The following RYR2 variants were observed in gnomAD, a reference collection of about 807,000 sequenced individuals.
RYR2 encodes the protein ryanodine receptor 2.
RYR2 carries 227 observed loss-of-function variants against 601.1 expected under a neutral mutation model. That is an observed-to-expected ratio of 0.38 (90% CI 0.34 to 0.42). The LOEUF (loss-of-function observed/expected upper bound fraction) is 0.42. Ranked by LOEUF, RYR2 falls within the 10% of genes least tolerant of loss-of-function variation. The probability of loss-of-function intolerance (pLI) is 1.00; values close to 1 mark genes in which losing one functional copy is unlikely to be tolerated. For synonymous variants in RYR2, 2,223 were observed against 2,175.1 expected (o/e 1.02, Z -0.61); for missense variants, 4,646 against 6,156.5 (o/e 0.75, Z 8.21).
chr1:237,515,921 CCCTCTTCTCCTTCTT>C (rs1228463008), intron 24 of RYR2, among the ~76,000 whole-genome samples: 11 of 142,242 alleles, frequency 7.7e-5, no homozygotes, highest in African/African-American at 1.6e-4. Flanking sequence ...TTCTCCCTCT[CCCTCTTCTCCTTCTT>C]CCTCTTCTCC....
At chr1:237,357,804 G>A (rs961876964) in intron 4 of RYR2, among the ~76,000 whole-genome samples, 12 of 152,190 alleles carry the variant, frequency 7.9e-5, no homozygotes, top group African/African-American at 2.9e-4. Context: ...ACTAGAATCT[G>A]CTTTACTCCT....
intron 97 of RYR2, among the ~76,000 whole-genome samples, chr1:237,801,481 G>A (rs890351160): frequency 1.3e-5 from 2 of 149,780 alleles, no homozygotes; most frequent in Non-Finnish European, 3.0e-5. Flanking sequence ...GGCAGAGATT[G>A]CAGTGAGCCA....
chr1:237,610,844 A>G lies in RYR2; in HGVS notation c.4766A>G (p.Gln1589Arg). Residue 1589 changes from glutamine (Q) to arginine (R), a missense_variant, in exon 36 of 105, where the codon CAG becomes CGG. This residue lies in a region of RYR2 where 1,807 missense variants were observed against 2,088.1 expected (regional missense o/e 0.87). Coordinates refer to ENST00000366574, the MANE Select transcript of RYR2 (RefSeq NM_001035.3). The surrounding 1 kb of genome is among the most constrained non-coding windows in gnomAD (Gnocchi z 4.9). ...VPQCPPRLHV[Q>R]FLSHVLWSRM... ...CAGTGCCCCCCGCGCCTCCACGTGC[A>G]GTTCCTGTCACACGTCCTGTGGAGC... 2 of 1,613,338 alleles carry G rather than the reference A, an allele frequency of 1.2e-6. No individual in the cohort carries two copies. Among genetic ancestry groups the G allele is most frequent in the Non-Finnish European group, 1.7e-6 (2 of 1,179,678 alleles).
intron 17 of RYR2, among the ~76,000 whole-genome samples, chr1:237,474,843 A>G (rs1038379632): frequency 6.6e-6 from 1 of 152,162 alleles, no homozygotes; most frequent in Non-Finnish European, 1.5e-5. Flanking sequence ...CAGGAGCCTG[A>G]GTGGTCGATG....
intron 84 of RYR2, among the ~76,000 whole-genome samples, chr1:237,766,196 C>T (rs754780996): frequency 1.3e-5 from 2 of 152,134 alleles, no homozygotes; most frequent in Non-Finnish European, 2.9e-5. Flanking sequence ...GCCAAGGAAT[C>T]TACACTTTAT....
rs56090696 is a variant in RYR2, at chr1:237,668,082, G to A, written c.8590+124G>A. On this transcript the variant is annotated intron_variant, in intron 58 of 104. Transcript: ENST00000366574. The stretch of plus-strand genomic sequence containing the variant: ...TTTAAAATCAGAACGGTTTAATTGT[G>A]CCTGTAACAGATTGAAGTTGGAAAT... The A allele has an allele frequency of 0.019, 12,396 of 655,634 alleles. 180 individuals are homozygous for A. Among genetic ancestry groups the A allele is most frequent in the Non-Finnish European group, 0.026 (10,198 of 398,018 alleles). The allele number at this position is 655,634 out of a possible 1,614,324, so 40.6% of individuals were successfully genotyped here.
At chr1:237,261,527 C>A (rs940190363) in intron 1 of RYR2, among the ~76,000 whole-genome samples, 4 of 152,204 alleles carry the variant, frequency 2.6e-5, no homozygotes, top group Admixed American at 2.6e-4. Flanking sequence ...TGCTCCCCCT[C>A]CACTGGTGCT....
intron 1 of RYR2, among the ~76,000 whole-genome samples, chr1:237,086,087 G>C (rs1666296739): frequency 6.6e-6 from 1 of 152,200 alleles, no homozygotes; most frequent in South Asian, 2.1e-4. Context: ...GGCATGCTCT[G>C]TTAATGCCTG....
At position 237,610,814 on chromosome 1, in the gene RYR2, T is replaced by G; in HGVS notation, c.4736T>G (p.Val1579Gly). 1 of 1,611,766 alleles carries G rather than the reference T, an allele frequency of 6.2e-7. No individual in the cohort carries two copies. Among genetic ancestry groups the G allele is most frequent in the Non-Finnish European group, 8.5e-7 (1 of 1,179,160 alleles). ...TTCAAGAGTGAGCACAAGAACCCCGTGCCGCAGTGCCCCCCGCGCCTCCAC... is the reference window on the plus strand; with the variant it reads ...TTCAAGAGTGAGCACAAGAACCCCGGGCCGCAGTGCCCCCCGCGCCTCCAC... Reference protein sequence around the residue: ...GLFKSEHKNPVPQCPPRLHVQ... With the variant: ...GLFKSEHKNPGPQCPPRLHVQ... Residue 1579 changes from valine (V) to glycine (G), a missense_variant, in exon 36 of 105, where the codon GTG becomes GGG. By Grantham distance (109) the Val-to-Gly change is moderately radical (BLOSUM62 -3). Coordinates refer to ENST00000366574, the MANE Select transcript of RYR2 (RefSeq NM_001035.3). This position sits in a 1 kb window ranked among gnomAD's most constrained non-coding sequence, Gnocchi z 4.9.
At chr1:237,280,875 TC>T (rs1193034841) in intron 2 of RYR2, among the ~76,000 whole-genome samples, 24 of 151,938 alleles carry the variant, frequency 1.6e-4, no homozygotes, top group African/African-American at 5.6e-4. Context: ...ACCTCCACCT[TC>T]TAGGTTCAAG....
At chr1:237,817,123 G>A (rs1445661946) in intron 100 of RYR2, among the ~76,000 whole-genome samples, 1 of 152,098 alleles carries the variant, frequency 6.6e-6, no homozygotes, top group Admixed American at 6.5e-5. Context: ...TATATGCCAG[G>A]CTGAGTCTAC....
intron 12 of RYR2, among the ~76,000 whole-genome samples, chr1:237,423,871 T>C (rs1334600559): frequency 1.3e-5 from 2 of 152,164 alleles, no homozygotes; most frequent in African/African-American, 4.8e-5. Context: ...TGATTTATAA[T>C]GAAAAGGAGT....
At chr1:237,491,269 A>G (rs563659267) in intron 17 of RYR2, among the ~76,000 whole-genome samples, 4 of 152,176 alleles carry the variant, frequency 2.6e-5, no homozygotes, top group Non-Finnish European at 5.9e-5. Flanking sequence ...AATCTTGTGT[A>G]CTATAAACCT....
At position 237,106,078 on chromosome 1, in the gene RYR2, G is replaced by A. The variant is rs993970492; in HGVS notation, c.48+63509G>A. Among the ~76,000 whole-genome samples the A allele has an allele frequency of 2.0e-5, 3 of 152,094 alleles. No individual in the cohort carries two copies. The highest frequency in any genetic ancestry group is 4.4e-5 in the Non-Finnish European group (3 of 68,024). ...GCCAGAGGGGCTGCGGGTGTGGGCCGGGCAGGTGGAGGAGGCCTTGAGGGC... is the reference window on the plus strand; with the variant it reads ...GCCAGAGGGGCTGCGGGTGTGGGCCAGGCAGGTGGAGGAGGCCTTGAGGGC... On this transcript the variant is annotated intron_variant, in intron 1 of 104. Coordinates refer to ENST00000366574, the MANE Select transcript of RYR2 (RefSeq NM_001035.3). The surrounding 1 kb of genome is among the most constrained non-coding windows in gnomAD (Gnocchi z 4.4).
chr1:237,391,212 G>T (rs1275847363), intron 10 of RYR2, among the ~76,000 whole-genome samples: 1 of 152,060 alleles, frequency 6.6e-6, no homozygotes, highest in East Asian at 1.9e-4. Flanking sequence ...GGGAGGCAAA[G>T]GATAGCTCAC....
intron 28 of RYR2, 35 bp from the exon 29 acceptor site, chr1:237,569,110 G>A: frequency 6.3e-7 from 1 of 1,585,964 alleles, no homozygotes; most frequent in East Asian, 2.3e-5. Context: ...TCCTGGCTTA[G>A]TCTGTGACAA....
intron 45 of RYR2, 109 bp downstream of exon 45, chr1:237,638,601 CAT>C: frequency 8.3e-7 from 1 of 1,203,740 alleles, no homozygotes; most frequent in Non-Finnish European, 1.2e-6. Flanking sequence ...AAAGAAATCA[CAT>C]ATTTTATAAT....
chr1:237,165,655 A>G (rs987296917), intron 1 of RYR2, among the ~76,000 whole-genome samples: 2 of 152,164 alleles, frequency 1.3e-5, no homozygotes, highest in Non-Finnish European at 1.5e-5. Context: ...GTTGAGACCA[A>G]GGGTTCCAGA....
At chr1:237,408,934 A>G (rs1704171835) in intron 10 of RYR2, among the ~76,000 whole-genome samples, 2 of 151,938 alleles carry the variant, frequency 1.3e-5, no homozygotes, top group African/African-American at 4.8e-5. Flanking sequence ...ATTTTTTGGT[A>G]TTAAGATAAA....
Sources: gnomAD v4.1 joint callset for allele counts (sites outside exome capture counted in the v4.1 genomes callset) on GRCh38, gnomAD v4.1.1 for gene constraint, gnomAD v4.1.1 regional missense constraint, Gnocchi (gnomAD v3.1) non-coding constraint, MANE v1.5 for transcripts, NCBI Gene and HGNC (gene_info 2026-07-23, HGNC 2026-07-21) for gene names.